PDK1: variants seen among roughly 807,000 people sequenced by gnomAD.
PDK1 encodes the protein pyruvate dehydrogenase kinase 1.
Under a neutral mutation model 54.2 loss-of-function variants are expected in PDK1, and 39 were observed. The observed-to-expected ratio is 0.72, with a 90% CI of 0.56 to 0.94. The LOEUF (loss-of-function observed/expected upper bound fraction) is 0.94, where lower values mean the gene tolerates loss of function less well. Ranked by LOEUF, PDK1 falls within the 40% of genes least tolerant of loss-of-function variation. The pLI, the probability that PDK1 is intolerant of heterozygous loss-of-function variation, is 0.00. For synonymous variants in PDK1, 221 were observed against 207.1 expected, an observed-to-expected ratio of 1.07 and a Z score of -0.58; for missense variants, 552 against 566.0, an observed-to-expected ratio of 0.98 and a Z score of 0.25.
chr2:172,661,324 T>A, the PDK1 span, among the ~76,000 whole-genome samples: 2 of 152,186 alleles, frequency 1.3e-5, no homozygotes, highest in African/African-American at 2.4e-5. Context: ...GTATAAATTA[T>A]ATAAAAATTA....
chr2:172,639,280 G>C, the PDK1 span, among the ~76,000 whole-genome samples: 3 of 152,202 alleles, frequency 2.0e-5, no homozygotes, highest in African/African-American at 7.2e-5. Flanking sequence ...GCCAGCCGTG[G>C]AGGGAGCTAC....
At chr2:172,620,200 T>C in the PDK1 span, among the ~76,000 whole-genome samples, 2 of 152,180 alleles carry the variant, frequency 1.3e-5, no homozygotes, top group African/African-American at 2.4e-5. Flanking sequence ...ATTTTTTTGA[T>C]AGTTTGTCTT....
chr2:172,669,535 C>T, the PDK1 span, among the ~76,000 whole-genome samples: 4 of 152,286 alleles, frequency 2.6e-5, no homozygotes, highest in African/African-American at 9.6e-5. Context: ...TGACTATATA[C>T]CCACTAGTGG....
the PDK1 span, among the ~76,000 whole-genome samples, chr2:172,632,668 A>C: frequency 0.72 from 108,951 of 151,902 alleles, 39,448 homozygotes; most frequent in Non-Finnish European, 0.77. Flanking sequence ...GTGGTACACA[A>C]AATAATGATG....
the PDK1 span, among the ~76,000 whole-genome samples, chr2:172,676,125 A>C: frequency 1.7e-3 from 263 of 152,290 alleles, 2 homozygotes; most frequent in Non-Finnish European, 2.9e-3. Context: ...ATTACTACTG[A>C]TTGACAGTGC....
the PDK1 span, among the ~76,000 whole-genome samples, chr2:172,615,003 C>CATA: frequency 6.6e-6 from 1 of 152,158 alleles, no homozygotes; most frequent in African/African-American, 2.4e-5. Context: ...ATACTGTTTA[C>CATA]ACTTTTTCTT....
At chr2:172,627,874 C>T in the PDK1 span, among the ~76,000 whole-genome samples, 249 of 152,296 alleles carry the variant, frequency 1.6e-3, no homozygotes, top group African/African-American at 5.7e-3. Context: ...TCCACTTGCA[C>T]GTAGACCTCA....
chr2:172,610,191 A>C (rs192921411), downstream of PDK1, among the ~76,000 whole-genome samples: 6 of 152,156 alleles, frequency 3.9e-5, no homozygotes, highest in East Asian at 1.2e-3. Context: ...CTTTGCTGTG[A>C]ATTCTATAAT....
In PDK1 at chr2:172,602,768, T is replaced by C. The variant is rs2149316730; in HGVS notation, c.*6799T>C. 1 of 152,304 alleles carries C rather than the reference T, an allele frequency of 6.6e-6. No individual in the cohort carries two copies. Among genetic ancestry groups the C allele is most frequent in the Middle Eastern group, 3.4e-3 (1 of 294 alleles). 9.4% of individuals were successfully genotyped at this position (152,304 alleles called of 1,614,324 possible). ...AAGGGCCTAGGGTTTTTTTGTTTGG[T>C]AAACCATTGCCTTTCCTGCTTTGGT... On this transcript the variant is annotated 3_prime_UTR_variant, in exon 11 of 11. Transcript: ENST00000282077.
intron 5 of PDK1, among the ~76,000 whole-genome samples, 196 bp from the exon 6 acceptor site, chr2:172,566,660 A>G (rs546072050): frequency 6.6e-6 from 1 of 151,382 alleles, no homozygotes; most frequent in South Asian, 2.1e-4. Context: ...GTTGGAGACA[A>G]ACCTGAGCAA....
At chr2:172,632,282 A>T in the PDK1 span, among the ~76,000 whole-genome samples, 3 of 141,448 alleles carry the variant, frequency 2.1e-5, no homozygotes, top group Admixed American at 1.4e-4. Flanking sequence ...AAAAAAATTA[A>T]AAAAAAAAAC....
chr2:172,637,734 C>T, the PDK1 span, among the ~76,000 whole-genome samples: 2 of 152,098 alleles, frequency 1.3e-5, no homozygotes, highest in African/African-American at 2.4e-5. Flanking sequence ...CTCGCTCTGT[C>T]GTCCAGGCTA....
At position 172,586,364 on chromosome 2, in the gene PDK1, T is replaced by C. The variant is rs746229854; in HGVS notation, c.1032T>C (p.Val344=). The change falls in exon 9 of 11, where the codon GTT becomes GTC. Residue 344 remains valine (V), a synonymous_variant. Coordinates refer to ENST00000282077, the MANE Select transcript of PDK1 (RefSeq NM_002610.5). The part of the protein sequence containing the change: ...YMYSTAPRPR[V]ETSRAVPLAG... ...ATTCAACTGCACCAAGACCTCGTGT[T>C]GAGACCTCCCGCGCAGTGCCTCTGG... 2 of 1,609,008 alleles carry C rather than the reference T, an allele frequency of 1.2e-6. No homozygotes were observed. The highest frequency in any genetic ancestry group is 2.2e-5 in the East Asian group (1 of 44,808).
intron 8 of PDK1, among the ~76,000 whole-genome samples, chr2:172,575,019 T>C (rs1254161681): frequency 6.6e-6 from 1 of 152,200 alleles, no homozygotes; most frequent in Non-Finnish European, 1.5e-5. Context: ...AGATACCCTT[T>C]ATCAGATTGA....
At chr2:172,724,025 C>G in the PDK1 span, 3 of 152,264 alleles carry the variant, frequency 2.0e-5, no homozygotes, top group East Asian at 5.8e-4. Flanking sequence ...TATATTATAT[C>G]CTAACCACTC....
intron 9 of PDK1, 100 bp from the exon 10 acceptor site, chr2:172,592,835 G>C: frequency 1.7e-6 from 1 of 605,926 alleles, no homozygotes; most frequent in Non-Finnish European, 3.0e-6. Context: ...TCAGATGCGG[G>C]CTCTGATAGC....
chr2:172,648,771 A>G, the PDK1 span, among the ~76,000 whole-genome samples: 3 of 152,222 alleles, frequency 2.0e-5, no homozygotes. Flanking sequence ...ACAAGGCCAC[A>G]GCGAGGCTGG....
chr2:172,711,501 C>T, the PDK1 span, among the ~76,000 whole-genome samples: 6 of 152,124 alleles, frequency 3.9e-5, no homozygotes, highest in Non-Finnish European at 7.3e-5. Context: ...AAAGTTATCA[C>T]ATGGTAATGA....
the PDK1 span, among the ~76,000 whole-genome samples, chr2:172,637,618 AG>A: frequency 6.6e-6 from 1 of 152,172 alleles, no homozygotes; most frequent in African/African-American, 2.4e-5. Flanking sequence ...GATTTGATTA[AG>A]TAAATACATA....
Sources: allele counts gnomAD v4.1 joint callset (sites outside exome capture counted in the v4.1 genomes callset), GRCh38; gene constraint gnomAD v4.1.1; transcripts MANE v1.5; gene names NCBI Gene and HGNC (gene_info 2026-07-23, HGNC 2026-07-21).